The following PALLD variants were observed in gnomAD, a reference collection of about 807,000 sequenced individuals.
PALLD encodes the protein palladin.
In PALLD, 61 loss-of-function variants were observed where a neutral mutation model predicts 123.5. The observed-to-expected ratio is 0.49, with a 90% CI of 0.40 to 0.61. PALLD has a LOEUF of 0.61. Among genes scored for constraint, PALLD ranks in the 20% least tolerant of loss-of-function variants. The pLI, the probability that PALLD is intolerant of heterozygous loss-of-function variation, is 0.00. For synonymous variants in PALLD, 465 were observed against 496.4 expected (o/e 0.94, Z 0.84); for missense variants, 1,273 against 1,377.0 (o/e 0.92, Z 1.20).
chr4:168,914,921 A>G (rs192061036), intron 16 of PALLD, among the ~76,000 whole-genome samples: 34 of 152,030 alleles, frequency 2.2e-4, no homozygotes, highest in African/African-American at 7.0e-4. Flanking sequence ...TTTAATTCTA[A>G]CTTCATCATG....
intron 10 of PALLD, among the ~76,000 whole-genome samples, chr4:168,732,093 T>C (rs1200636967): frequency 6.6e-6 from 1 of 152,228 alleles, no homozygotes; most frequent in Non-Finnish European, 1.5e-5. Context: ...GAGATATCAT[T>C]AGGGAGATAC....
At chr4:168,848,342 G>A (rs1444612134) in intron 10 of PALLD, among the ~76,000 whole-genome samples, 1 of 152,170 alleles carries the variant, frequency 6.6e-6, no homozygotes, top group Non-Finnish European at 1.5e-5. Context: ...AGAGATTGAA[G>A]GTACTGATCG....
At chr4:168,781,719 G>C (rs1454300662) in intron 10 of PALLD, among the ~76,000 whole-genome samples, 1 of 152,116 alleles carries the variant, frequency 6.6e-6, no homozygotes, top group Non-Finnish European at 1.5e-5. Flanking sequence ...TAGGATACCA[G>C]GAGAGGAATA....
intron 10 of PALLD, among the ~76,000 whole-genome samples, chr4:168,863,192 G>A (rs867723499): frequency 3.1e-4 from 47 of 152,268 alleles, no homozygotes; most frequent in African/African-American, 1.1e-3. Flanking sequence ...CCATTTGACA[G>A]ATAAACTGAG....
chr4:168,828,167 C>G (rs986548073), intron 10 of PALLD, among the ~76,000 whole-genome samples: 5 of 152,134 alleles, frequency 3.3e-5, no homozygotes, highest in African/African-American at 1.2e-4. Flanking sequence ...GCAAAAGCCT[C>G]CTTGTAGAAA....
intron 14 of PALLD, among the ~76,000 whole-genome samples, chr4:168,900,802 T>C (rs1756346295): frequency 1.3e-5 from 2 of 152,236 alleles, no homozygotes; most frequent in Non-Finnish European, 2.9e-5. Context: ...ATTCACAACA[T>C]GTTATCAAAC....
chr4:168,511,920 A>C lies in PALLD; in HGVS notation c.416A>C (p.Lys139Thr), dbSNP rs751216977. Reference sequence around the variant, plus strand: ...CCCAGCTACATCCGGAGCCTCCGAAAGGCTGAAAAGCGTGGTGCAAAAACT... The same window carrying C: ...CCCAGCTACATCCGGAGCCTCCGAACGGCTGAAAAGCGTGGTGCAAAAACT... ...TRPSYIRSLR[K>T]AEKRGAKTPS... Residue 139 changes from lysine (K) to threonine (T), a missense_variant, in exon 2 of 22, where the codon AAG becomes ACG. By Grantham distance (78) the Lys-to-Thr change is moderately conservative (BLOSUM62 -1). Transcript: ENST00000505667. The C allele has an allele frequency of 6.2e-7, 1 of 1,614,118 alleles. No individual in the cohort carries two copies. Among genetic ancestry groups the C allele is most frequent in the Non-Finnish European group, 8.5e-7 (1 of 1,180,044 alleles).
chr4:168,717,904 A>C (rs1785517403), intron 10 of PALLD, among the ~76,000 whole-genome samples: 1 of 152,226 alleles, frequency 6.6e-6, no homozygotes, highest in Non-Finnish European at 1.5e-5. Context: ...TCTTAATTTA[A>C]AACATTATGA....
chr4:168,645,964 A>G (rs1455374985), intron 2 of PALLD, among the ~76,000 whole-genome samples: 1 of 152,218 alleles, frequency 6.6e-6, no homozygotes, highest in East Asian at 1.9e-4. Flanking sequence ...CTAAATAAAT[A>G]CAAGGAATTA....
chr4:168,917,574 A>T (rs923647533), intron 17 of PALLD, among the ~76,000 whole-genome samples: 1 of 152,226 alleles, frequency 6.6e-6, no homozygotes, highest in Non-Finnish European at 1.5e-5. Flanking sequence ...AAATATGGAT[A>T]AGGTTTTAAA....
intron 2 of PALLD, among the ~76,000 whole-genome samples, chr4:168,643,286 G>A (rs190713259): frequency 7.4e-4 from 113 of 152,258 alleles, no homozygotes; most frequent in Admixed American, 1.4e-3. Context: ...TCTGGCTTGA[G>A]GATAATACAC....
chr4:168,619,537 T>C (rs1483720835), intron 2 of PALLD, among the ~76,000 whole-genome samples: 1 of 152,220 alleles, frequency 6.6e-6, no homozygotes, highest in African/African-American at 2.4e-5. Flanking sequence ...AGGTGCCTGG[T>C]CTGGAAAGAG....
At chr4:168,803,215 C>T (rs993083193) in intron 10 of PALLD, among the ~76,000 whole-genome samples, 3 of 151,974 alleles carry the variant, frequency 2.0e-5, no homozygotes, top group Non-Finnish European at 2.9e-5. Context: ...TGGGAGGCCT[C>T]GGGAATCATA....
rs1247145588 is a variant in PALLD at position 168,668,466 on chromosome 4, G to A, written c.1087+98G>A. Reference sequence around the variant, plus strand: ...CAAATGTGCCTTTCCAATGCAAATGGCACAATGGTGTTCTAATTCAAACTT... The same window carrying A: ...CAAATGTGCCTTTCCAATGCAAATGACACAATGGTGTTCTAATTCAAACTT... On this transcript the variant is annotated intron_variant, in intron 3 of 21. Transcript: ENST00000505667. The A allele has an allele frequency of 4.3e-6, 4 of 940,992 alleles. No homozygotes were observed. The Admixed American group carries it at 7.8e-5, about 18-fold the overall frequency. 58.3% of individuals were successfully genotyped at this position (940,992 alleles called of 1,614,324 possible).
At chr4:168,862,603 A>T (rs1268144429) in intron 10 of PALLD, among the ~76,000 whole-genome samples, 2 of 152,226 alleles carry the variant, frequency 1.3e-5, no homozygotes, top group East Asian at 3.8e-4. Flanking sequence ...CATTTTCATA[A>T]TCAAAACTTG....
intron 2 of PALLD, among the ~76,000 whole-genome samples, chr4:168,565,468 C>T (rs7666799): frequency 6.3e-4 from 96 of 152,160 alleles, no homozygotes; most frequent in African/African-American, 2.2e-3. Context: ...ACCAAGAAAA[C>T]CAAACCTGGA....
intron 2 of PALLD, among the ~76,000 whole-genome samples, chr4:168,579,147 A>G (rs1213221087): frequency 1.3e-5 from 2 of 152,158 alleles, no homozygotes; most frequent in South Asian, 4.1e-4. Flanking sequence ...AGTCCTAGTA[A>G]ATCTCCCACA....
rs567915797 is a variant in PALLD, at chr4:168,787,905, G to T, written c.1964+75982G>T. Among the ~76,000 whole-genome samples, 18 of 152,228 alleles carry T rather than the reference G, an allele frequency of 1.2e-4. No homozygotes were observed. In the South Asian group the frequency reaches 3.7e-3, roughly 32 times the overall value. ...CACTTATGTATGTTTATATAAATTT[G>T]GTTAAATATTAATTTGAAATGGTTG... On this transcript the variant is annotated intron_variant, in intron 10 of 21. Coordinates refer to ENST00000505667, the MANE Select transcript of PALLD (RefSeq NM_001166108.2).
chr4:168,688,228 G>C (rs186251734), intron 6 of PALLD, among the ~76,000 whole-genome samples: 4 of 152,314 alleles, frequency 2.6e-5, no homozygotes, highest in Non-Finnish European at 5.9e-5. Context: ...TCTTAGGCAT[G>C]ATGATGACAG....
Sources: allele counts gnomAD v4.1 joint callset (sites outside exome capture counted in the v4.1 genomes callset), GRCh38; gene constraint gnomAD v4.1.1; transcripts MANE v1.5; gene names NCBI Gene and HGNC (gene_info 2026-07-23, HGNC 2026-07-21).